PIPOX: variants seen among roughly 807,000 people sequenced by gnomAD.
PIPOX encodes the protein pipecolic acid and sarcosine oxidase.
Under a neutral mutation model 47.9 loss-of-function variants are expected in PIPOX, and 45 were observed. The observed-to-expected ratio is 0.94, with a 90% CI of 0.74 to 1.20. The LOEUF (loss-of-function observed/expected upper bound fraction) is 1.20, where lower values mean the gene tolerates loss of function less well. PIPOX is among the 50% of genes most tolerant of loss of function. The probability of loss-of-function intolerance (pLI) is 0.00; values close to 1 mark genes in which losing one functional copy is unlikely to be tolerated. For synonymous variants in PIPOX, 165 were observed against 191.3 expected (o/e 0.86, Z 1.13); for missense variants, 458 against 498.4 (o/e 0.92, Z 0.77).
chr17:29,050,068 G>T (rs1373646990), intron 2 of PIPOX, among the ~76,000 whole-genome samples: 1 of 152,202 alleles, frequency 6.6e-6, no homozygotes, highest in Non-Finnish European at 1.5e-5. Context: ...TATGCCCGTT[G>T]TCTTGGCATG....
intron 7 of PIPOX, 64 bp downstream of exon 7, chr17:29,055,952 G>A: frequency 1.4e-6 from 2 of 1,463,116 alleles, no homozygotes; most frequent in African/African-American, 2.8e-5. Context: ...CAGGTGAAAT[G>A]GTATTTTCCA....
chr17:29,048,073 T>G (rs1249641165), intron 2 of PIPOX, among the ~76,000 whole-genome samples: 1 of 152,236 alleles, frequency 6.6e-6, no homozygotes, highest in Admixed American at 6.5e-5. Flanking sequence ...GCTAACCTAA[T>G]GTACTCAGGC....
At chr17:29,048,079 C>G (rs1472308162) in intron 2 of PIPOX, among the ~76,000 whole-genome samples, 1 of 152,218 alleles carries the variant, frequency 6.6e-6, no homozygotes, top group East Asian at 1.9e-4. Context: ...CTAATGTACT[C>G]AGGCACACCA....
intron 2 of PIPOX, among the ~76,000 whole-genome samples, chr17:29,048,956 G>C (rs1568019107): frequency 6.6e-6 from 1 of 152,168 alleles, no homozygotes; most frequent in Non-Finnish European, 1.5e-5. Context: ...AGCTTGGGAT[G>C]GGAGATGGCA....
At chr17:29,048,806 G>T (rs1033591439) in intron 2 of PIPOX, among the ~76,000 whole-genome samples, 1 of 152,212 alleles carries the variant, frequency 6.6e-6, no homozygotes, top group Non-Finnish European at 1.5e-5. Flanking sequence ...TCGGCCCACT[G>T]AACGGAAGAT....
chr17:29,055,268 A>G, intron 6 of PIPOX, 47 bp downstream of exon 6: 1 of 1,608,532 alleles, frequency 6.2e-7, no homozygotes, highest in Non-Finnish European at 8.5e-7. Context: ...CACTCTACAG[A>G]AGGGAAGAAG....
At chr17:29,043,443 C>G in intron 1 of PIPOX, 104 bp downstream of exon 1, 1 of 682,382 alleles carries the variant, frequency 1.5e-6, no homozygotes, top group East Asian at 2.8e-5. Flanking sequence ...GCCAAAGGGA[C>G]TGAATCATCA....
At chr17:29,045,195 C>G (rs573683070) in intron 2 of PIPOX, among the ~76,000 whole-genome samples, 188 bp downstream of exon 2, 11 of 152,290 alleles carry the variant, frequency 7.2e-5, no homozygotes, top group African/African-American at 2.6e-4. Flanking sequence ...TGACTCTGGC[C>G]AGGCTCTGCG....
At chr17:29,055,911 G>T in intron 7 of PIPOX, 23 bp downstream of exon 7, 2 of 1,606,876 alleles carry the variant, frequency 1.2e-6, no homozygotes, top group South Asian at 2.2e-5. Context: ...TGGGGGGAAT[G>T]GGGTGCCTTA....
chr17:29,045,107 G>T, intron 2 of PIPOX, 100 bp downstream of exon 2: 1 of 1,335,294 alleles, frequency 7.5e-7, no homozygotes, highest in South Asian at 1.4e-5. Context: ...GAATGCAATG[G>T]GAGGGACACA....
chr17:29,053,110 T>A lies in PIPOX; in HGVS notation c.454T>A (p.Tyr152Asn), dbSNP rs1420023371. The A allele has an allele frequency of 6.2e-7, 1 of 1,614,026 alleles. No homozygotes were observed. Among genetic ancestry groups the A allele is most frequent in the South Asian group, 1.1e-5 (1 of 91,082 alleles). Residue 152 changes from tyrosine to asparagine, a missense_variant, in exon 3 of 8, where the codon TAT (tyrosine) becomes AAT (asparagine). Coordinates refer to ENST00000323372, the MANE Select transcript of PIPOX (RefSeq NM_016518.3). ...LDNSGGVIYA[Y>N]KALRALQDAI... ...CAATTCCGGAGGAGTTATCTATGCATATAAGGCCCTCAGAGCCCTGCAGGT... is the reference window on the plus strand; with the variant it reads ...CAATTCCGGAGGAGTTATCTATGCAAATAAGGCCCTCAGAGCCCTGCAGGT...
chr17:29,051,172 T>C (rs1471716446), intron 2 of PIPOX, among the ~76,000 whole-genome samples: 1 of 152,134 alleles, frequency 6.6e-6, no homozygotes, highest in African/African-American at 2.4e-5. Flanking sequence ...TGAACCAATC[T>C]GAAGTCCTTT....
rs141171026 is a variant in PIPOX, at chr17:29,056,719, C to T, written c.*414C>T. 3,296 of 180,102 alleles carry T rather than the reference C, an allele frequency of 0.018. 110 individuals are homozygous for T. The highest frequency in any genetic ancestry group is 0.073 in the African/African-American group (3,078 of 42,164). The allele number at this position is 180,102 out of a possible 1,614,324, so 11.2% of individuals were successfully genotyped here. A position where few individuals can be genotyped will look rare whatever the true frequency, so the allele number is the denominator to read the frequency against. ...TTGCTGGGGGCCGGGTGTGGTGGCT[C>T]ACACCTGTAATCTCGGCACTTTGGG... On this transcript the variant is annotated 3_prime_UTR_variant, in exon 8 of 8. Coordinates refer to ENST00000323372, the MANE Select transcript of PIPOX (RefSeq NM_016518.3).
chr17:29,044,928 G>A lies in PIPOX; in HGVS notation c.184G>A (p.Asp62Asn). Residue 62 changes from aspartate (D) to asparagine (N), a missense_variant, in exon 2 of 8, where the codon GAC becomes AAC. Asp to Asn is a conservative substitution (Grantham distance 23). Coordinates refer to ENST00000323372, the MANE Select transcript of PIPOX (RefSeq NM_016518.3). ...GATAATCCGAAAGGCGTACCTGGAA[G>A]ACTTTTACACCCGGATGATGCATGA... ...SRIIRKAYLE[D>N]FYTRMMHECY... 2 of 1,614,204 alleles carry A rather than the reference G, an allele frequency of 1.2e-6. No individual in the cohort carries two copies. Among genetic ancestry groups the A allele is most frequent in the African/African-American group, 2.7e-5 (2 of 75,050 alleles).
In PIPOX at chr17:29,053,009, A is replaced by G. The variant is rs749707336; in HGVS notation, c.353A>G (p.Gln118Arg). The G allele has an allele frequency of 6.2e-7, 1 of 1,614,070 alleles. No homozygotes were observed. The highest frequency in any genetic ancestry group is 2.2e-5 in the East Asian group (1 of 44,902). Residue 118 changes from glutamine (Q) to arginine (R), a missense_variant, in exon 3 of 8, where the codon CAG (glutamine) becomes CGG (arginine). Physicochemically the swap from Gln to Arg is conservative, Grantham distance 43. Transcript: ENST00000323372. The part of the protein sequence containing the change: ...ANLSRQRVEH[Q>R]CLSSEELKQR... ...CTGTCGAGGCAGAGGGTAGAACACC[A>G]GTGTCTTTCATCTGAGGAACTGAAG...
rs151317648 is a variant in PIPOX, at chr17:29,051,332, C to T, written c.264-1588C>T. 4.3e-3 allele frequency among the ~76,000 whole-genome samples: 659 copies of T among 152,286 alleles called. 6 individuals carry two copies. The highest frequency in any genetic ancestry group is 0.015 in the African/African-American group (610 of 41,544). On this transcript the variant is annotated intron_variant, in intron 2 of 7. Coordinates refer to ENST00000323372, the MANE Select transcript of PIPOX (RefSeq NM_016518.3). The stretch of plus-strand genomic sequence containing the variant: ...GGGGCCATGGCAAATGGATTGGGCA[C>T]GCTGCGCGGCTCTGTGTACTGACAC...
intron 2 of PIPOX, among the ~76,000 whole-genome samples, chr17:29,048,312 A>G (rs1033540474): frequency 1.3e-5 from 2 of 152,230 alleles, no homozygotes; most frequent in African/African-American, 4.8e-5. Flanking sequence ...ACTGATAGAT[A>G]TGAGCATACT....
In PIPOX at chr17:29,052,935, GC is replaced by G. The variant is rs1205770313; in HGVS notation, c.280del (p.Leu94CysfsTer4). ...TTTTTAACAGGCAGACTGGATTACT[GC>G]TGCTGGGAATGAAAGAGAATCAAGA... ...TQLHRQTGLL[L>X]LGMKENQELK... On this transcript the variant is annotated frameshift_variant, in exon 3 of 8. Coordinates refer to ENST00000323372, the MANE Select transcript of PIPOX (RefSeq NM_016518.3). LOFTEE classifies it high-confidence loss of function. 9 of 1,614,166 alleles carry G rather than the reference GC, an allele frequency of 5.6e-6. No homozygotes were observed. The highest frequency in any genetic ancestry group is 7.6e-6 in the Non-Finnish European group (9 of 1,180,000).
chr17:29,044,019 T>C (rs1003568861), intron 1 of PIPOX, among the ~76,000 whole-genome samples: 1 of 152,182 alleles, frequency 6.6e-6, no homozygotes, highest in Non-Finnish European at 1.5e-5. Flanking sequence ...TCCCTTTCCA[T>C]TCTGCCTGCA....
Sources: gnomAD v4.1 joint callset for allele counts (sites outside exome capture counted in the v4.1 genomes callset) on GRCh38, gnomAD v4.1.1 for gene constraint, MANE v1.5 for transcripts, NCBI Gene and HGNC (gene_info 2026-07-23, HGNC 2026-07-21) for gene names.